Variants in SCUBE1 observed in about 807,000 individuals in gnomAD.
SCUBE1 encodes signal peptide, CUB domain and EGF like domain containing 1, also known as signal peptide, CUB and EGF-like domain-containing protein 1.
A neutral mutation model predicts 124.4 loss-of-function variants in SCUBE1; 59 were observed. The ratio of observed to expected loss-of-function variants is 0.47; its 90% CI spans 0.38 to 0.59. The LOEUF (loss-of-function observed/expected upper bound fraction) is 0.59, where lower values mean the gene tolerates loss of function less well. SCUBE1 is among the 20% of genes least tolerant of loss of function. The pLI is 0.00. For synonymous variants in SCUBE1, 545 were observed against 550.9 expected, an observed-to-expected ratio of 0.99 and a Z score of 0.15; for missense variants, 1,150 against 1,371.2, an observed-to-expected ratio of 0.84 and a Z score of 2.55.
At chr22:43,229,311 A>G in intron 8 of SCUBE1, 123 bp from the exon 9 acceptor site, 1 of 718,424 alleles carries the variant, frequency 1.4e-6, no homozygotes, top group Middle Eastern at 2.4e-4. Context: ...GCGCAGGCGC[A>G]GCACAGCACC....
intron 4 of SCUBE1, among the ~76,000 whole-genome samples, chr22:43,277,610 C>T (rs981676140): frequency 8.5e-5 from 13 of 152,324 alleles, no homozygotes; most frequent in Middle Eastern, 3.4e-3. Flanking sequence ...TTCTTCACTA[C>T]GGACAAGTCT....
At chr22:43,290,593 C>A (rs1461085241) in intron 4 of SCUBE1, among the ~76,000 whole-genome samples, 1 of 152,230 alleles carries the variant, frequency 6.6e-6, no homozygotes, top group Non-Finnish European at 1.5e-5. Flanking sequence ...CGCCCGACCA[C>A]AAGGACCCTC....
rs142490970 is a variant in SCUBE1 at position 43,262,778 on chromosome 22, C to T, written c.552G>A (p.Gly184=). The change falls in exon 5 of 22, where the codon GGG becomes GGA. Residue 184 remains glycine, a synonymous_variant. Transcript: ENST00000360835. The part of the protein sequence containing the change: ...AHICRETPKG[G]VACDCRPGFD... The stretch of plus-strand genomic sequence containing the variant: ...AGCCGGGCCTGCAGTCGCAGGCCAC[C>T]CCACCTTTGGGCGTCTCCCGGCAGA... 440 of 1,614,074 alleles carry T rather than the reference C, an allele frequency of 2.7e-4. No homozygotes were observed. Among genetic ancestry groups the T allele is most frequent in the Non-Finnish European group, 3.6e-4 (426 of 1,180,028 alleles).
intron 21 of SCUBE1, among the ~76,000 whole-genome samples, chr22:43,206,967 C>T (rs906195987): frequency 3.9e-5 from 6 of 152,174 alleles, no homozygotes; most frequent in East Asian, 3.9e-4. Flanking sequence ...GAAGTGACAG[C>T]GGGAGCGTTC....
chr22:43,266,575 C>T (rs2146716710), intron 4 of SCUBE1, among the ~76,000 whole-genome samples: 1 of 152,224 alleles, frequency 6.6e-6, no homozygotes, highest in Middle Eastern at 3.4e-3. Context: ...GAAAATGAGC[C>T]CCTGAGATGG....
At chr22:43,319,628 G>C (rs531087547) in intron 3 of SCUBE1, among the ~76,000 whole-genome samples, 1 of 149,234 alleles carries the variant, frequency 6.7e-6, no homozygotes, top group African/African-American at 2.5e-5. Context: ...TGCATGCAAA[G>C]TGGGAAGACC....
At chr22:43,214,047 G>GGGGGGGCC in intron 16 of SCUBE1, 43 bp downstream of exon 16, 2 of 143,440 alleles carry the variant, frequency 1.4e-5, no homozygotes, top group Non-Finnish European at 2.6e-5. Flanking sequence ...AGGAGCCCCC[G>GGGGGGGCC]CCCACCCCCC....
chr22:43,300,764 T>C (rs1278974739), intron 3 of SCUBE1, among the ~76,000 whole-genome samples: 1 of 152,074 alleles, frequency 6.6e-6, no homozygotes, highest in Non-Finnish European at 1.5e-5. Flanking sequence ...TCTCTCAGGC[T>C]CTTCCCTCGC....
intron 3 of SCUBE1, among the ~76,000 whole-genome samples, chr22:43,298,633 AC>A (rs1340679203): frequency 1.3e-5 from 2 of 152,160 alleles, no homozygotes; most frequent in Non-Finnish European, 2.9e-5. Flanking sequence ...CTAGGGAAGG[AC>A]GGGAGTCTAC....
chr22:43,342,710 C>A (rs1362936385), intron 1 of SCUBE1, among the ~76,000 whole-genome samples: 1 of 151,986 alleles, frequency 6.6e-6, no homozygotes, highest in East Asian at 1.9e-4. Context: ...TCGGCGCCGG[C>A]TCTTCTGTCC....
At chr22:43,302,767 T>G (rs897531544) in intron 3 of SCUBE1, among the ~76,000 whole-genome samples, 7 of 152,064 alleles carry the variant, frequency 4.6e-5, no homozygotes, top group African/African-American at 1.7e-4. Flanking sequence ...GGGATAAGAA[T>G]GGAGGACTGG....
rs1385210312 is a variant in SCUBE1 at position 43,197,406 on chromosome 22, T to C, written c.*6591A>G. ...CAACTAAAAGGAAGATGTGGTTATG[T>C]TGGTATTTGCCACTTGCAGGCAGAG... On this transcript the variant is annotated 3_prime_UTR_variant, in exon 22 of 22. Transcript: ENST00000360835. 2 of 152,278 alleles carry C rather than the reference T, an allele frequency of 1.3e-5. No homozygotes were observed. The highest frequency in any genetic ancestry group is 2.4e-5 in the African/African-American group (1 of 41,466). The allele number at this position is 152,278 out of a possible 1,614,324, so 9.4% of individuals were successfully genotyped here.
intron 3 of SCUBE1, among the ~76,000 whole-genome samples, chr22:43,319,386 G>A (rs949663421): frequency 3.9e-5 from 6 of 151,938 alleles, no homozygotes; most frequent in Middle Eastern, 3.4e-3. Flanking sequence ...CAACCATGGC[G>A]AAACTCAGTC....
chr22:43,262,774 C>A lies in SCUBE1; in HGVS notation c.556G>T (p.Ala186Ser), dbSNP rs2146712508. The A allele has an allele frequency of 6.2e-7, 1 of 1,614,188 alleles. No homozygotes were observed. The highest frequency in any genetic ancestry group is 8.5e-7 in the Non-Finnish European group (1 of 1,180,018). The change falls in exon 5 of 22, where the codon GCC (alanine) becomes TCC (serine). Residue 186 changes from alanine to serine, a missense_variant. By Grantham distance (99) the Ala-to-Ser change is moderately conservative. Around this residue, in one of 3 missense-constraint regions of SCUBE1, gnomAD observed 337 missense variants for 482.1 expected, o/e 0.70. Coordinates refer to ENST00000360835, the MANE Select transcript of SCUBE1 (RefSeq NM_173050.5). ...TCAAAGCCGGGCCTGCAGTCGCAGG[C>A]CACCCCACCTTTGGGCGTCTCCCGG... ...ICRETPKGGV[A>S]CDCRPGFDLA...
intron 2 of SCUBE1, among the ~76,000 whole-genome samples, chr22:43,321,562 T>A (rs1926555618): frequency 1.3e-5 from 2 of 152,132 alleles, no homozygotes; most frequent in Non-Finnish European, 2.9e-5. Flanking sequence ...GTAAGGGGTC[T>A]GGGCTGTGCA....
intron 6 of SCUBE1, among the ~76,000 whole-genome samples, chr22:43,245,873 T>G (rs1343393293): frequency 6.6e-6 from 1 of 152,210 alleles, no homozygotes; most frequent in Non-Finnish European, 1.5e-5. Context: ...GGGGCCTCAA[T>G]TCCAGGATGC....
chr22:43,241,746 C>T (rs1286469966), intron 6 of SCUBE1, among the ~76,000 whole-genome samples: 1 of 152,232 alleles, frequency 6.6e-6, no homozygotes, highest in Non-Finnish European at 1.5e-5. Context: ...TGTCCTCCTG[C>T]AACTGTCACT....
At position 43,203,887 on chromosome 22, in the gene SCUBE1, A is replaced by C; in HGVS notation, c.*110T>G. On this transcript the variant is annotated 3_prime_UTR_variant, in exon 22 of 22. Transcript: ENST00000360835. The stretch of plus-strand genomic sequence containing the variant: ...GGGCTGGTCGGCTTCCCTGAAGGGC[A>C]GTGCCATGGGGTTCCCAAGGTGGTG... The C allele has an allele frequency of 8.4e-7, 1 of 1,184,436 alleles. No homozygotes were observed. Among genetic ancestry groups the C allele is most frequent in the Non-Finnish European group, 1.2e-6 (1 of 828,004 alleles). 73.4% of individuals were successfully genotyped at this position (1,184,436 alleles called of 1,614,324 possible).
intron 4 of SCUBE1, among the ~76,000 whole-genome samples, chr22:43,281,509 T>TGTCACCTC (rs1569010926): frequency 9.9e-5 from 5 of 50,306 alleles, no homozygotes; most frequent in African/African-American, 3.9e-4. Flanking sequence ...TGTCACCTCC[T>TGTCACCTC]CCTCAGCCAC....
Sources: gnomAD v4.1 joint callset for allele counts (sites outside exome capture counted in the v4.1 genomes callset) on GRCh38, gnomAD v4.1.1 for gene constraint, gnomAD v4.1.1 regional missense constraint, MANE v1.5 for transcripts, NCBI Gene and HGNC (gene_info 2026-07-23, HGNC 2026-07-21) for gene names.